SCCPDH: variants seen among roughly 807,000 people sequenced by gnomAD.
The protein encoded by SCCPDH is saccharopine dehydrogenase (putative).
In SCCPDH, 34 loss-of-function variants were observed where a neutral mutation model predicts 51.5. That is an observed-to-expected ratio of 0.66 (90% confidence interval 0.50 to 0.88). SCCPDH has a LOEUF of 0.88. Ranked by LOEUF, SCCPDH falls within the 40% of genes least tolerant of loss-of-function variation. SCCPDH has a pLI of 0.00. For missense variants in SCCPDH, 464 were observed against 527.1 expected (o/e 0.88, Z 1.17); for synonymous variants, 187 against 191.3 (o/e 0.98, Z 0.19).
intron 5 of SCCPDH, among the ~76,000 whole-genome samples, chr1:246,746,062 C>T (rs1219587946): frequency 2.1e-5 from 3 of 144,774 alleles, no homozygotes; most frequent in Admixed American, 7.0e-5. Flanking sequence ...GAGCCAAGAT[C>T]GCACCGCTGC....
chr1:246,727,084 A>G, intron 2 of SCCPDH, 80 bp downstream of exon 2: 1 of 1,152,004 alleles, frequency 8.7e-7, no homozygotes, highest in East Asian at 2.5e-5. Flanking sequence ...ACATAAGGAC[A>G]GAGGACAGAA....
intron 2 of SCCPDH, among the ~76,000 whole-genome samples, chr1:246,732,633 C>G (rs1015561752): frequency 6.6e-6 from 1 of 152,186 alleles, no homozygotes; most frequent in African/African-American, 2.4e-5. Flanking sequence ...GGTGATCCAC[C>G]TGCCTCGGCC....
chr1:246,762,047 G>A (rs575705790), intron 9 of SCCPDH, among the ~76,000 whole-genome samples: 4 of 152,228 alleles, frequency 2.6e-5, no homozygotes, highest in Admixed American at 6.5e-5. Flanking sequence ...CTTCCAAACC[G>A]ACATCTGTTA....
At chr1:246,760,337 A>T (rs1429967092) in intron 9 of SCCPDH, 110 bp downstream of exon 9, 18 of 885,128 alleles carry the variant, frequency 2.0e-5, no homozygotes, top group Non-Finnish European at 3.1e-5. Context: ...TAAGTTCTTT[A>T]TGTAAATTAG....
In SCCPDH at chr1:246,724,565, C is replaced by G; in HGVS notation, c.143C>G (p.Ser48Cys). ...SRLPWAVAGR[S>C]REKLQRVLEK... The stretch of plus-strand genomic sequence containing the variant: ...CTGCCCTGGGCCGTGGCGGGCCGCT[C>G]CCGGGAGAAGCTGCAGCGGGTGCTG... Residue 48 changes from serine to cysteine, a missense_variant, in exon 1 of 12, where the codon TCC becomes TGC. Physicochemically the swap from Ser to Cys is moderately radical, Grantham distance 112. Coordinates refer to ENST00000366510, the MANE Select transcript of SCCPDH (RefSeq NM_016002.3). 2.6e-6 allele frequency: 4 copies of G among 1,535,790 alleles called. No individual in the cohort carries two copies. Among genetic ancestry groups the G allele is most frequent in the Non-Finnish European group, 2.6e-6 (3 of 1,143,860 alleles).
At chr1:246,735,953 T>C (rs1668582734) in intron 2 of SCCPDH, 22 bp from the exon 3 acceptor site, 1 of 1,513,006 alleles carries the variant, frequency 6.6e-7, no homozygotes, top group Non-Finnish European at 9.1e-7. Flanking sequence ...GAATAACCTC[T>C]TTGTTCTTTT....
At position 246,759,975 on chromosome 1, in the gene SCCPDH, G is replaced by A. The variant is rs1443687566; in HGVS notation, c.832G>A (p.Val278Ile). The A allele has an allele frequency of 6.2e-7, 1 of 1,613,182 alleles. No homozygotes were observed. The highest frequency in any genetic ancestry group is 8.5e-7 in the Non-Finnish European group (1 of 1,179,718). ...EESPVQYAAY[V>I]TVGGITSVIK... Reference sequence around the variant, plus strand: ...CATCTAGGTTCAGTATGCTGCGTATGTAACTGTGGGAGGCATCACCTCTGT... The same window carrying A: ...CATCTAGGTTCAGTATGCTGCGTATATAACTGTGGGAGGCATCACCTCTGT... Residue 278 changes from valine to isoleucine, a missense_variant, in exon 8 of 12, where the codon GTA (valine) becomes ATA (isoleucine). Transcript: ENST00000366510.
intron 2 of SCCPDH, among the ~76,000 whole-genome samples, chr1:246,734,136 A>G (rs767972703): frequency 6.6e-6 from 1 of 152,200 alleles, no homozygotes; most frequent in South Asian, 2.1e-4. Context: ...AGTGACCAGC[A>G]TGCAACCCAG....
chr1:246,758,167 G>C (rs1193064921), intron 5 of SCCPDH, 59 bp from the exon 6 acceptor site: 2 of 1,246,378 alleles, frequency 1.6e-6, no homozygotes, highest in African/African-American at 3.1e-5. Context: ...AAGTTACTTG[G>C]CTTTACATTT....
chr1:246,751,049 A>G (rs1306079244), intron 5 of SCCPDH, among the ~76,000 whole-genome samples: 7 of 152,362 alleles, frequency 4.6e-5, no homozygotes, highest in South Asian at 2.1e-4. Flanking sequence ...GGGTTTGGAT[A>G]ACATTTCTCT....
chr1:246,759,479 C>G, intron 7 of SCCPDH, among the ~76,000 whole-genome samples: 1 of 152,158 alleles, frequency 6.6e-6, no homozygotes, highest in Non-Finnish European at 1.5e-5. Flanking sequence ...ATGTCTGGAA[C>G]CCTTTCTGTC....
At chr1:246,755,729 T>G (rs1053931670) in intron 5 of SCCPDH, 1 of 152,684 alleles carries the variant, frequency 6.5e-6, no homozygotes, top group Non-Finnish European at 1.5e-5. Flanking sequence ...TCATTTTATG[T>G]CAGCCATAAA....
intron 10 of SCCPDH, among the ~76,000 whole-genome samples, chr1:246,764,960 C>T (rs1669067808): frequency 6.6e-6 from 1 of 150,698 alleles, no homozygotes; most frequent in South Asian, 2.1e-4. Flanking sequence ...CAGACAGGTC[C>T]ACTTGTGAAC....
chr1:246,740,680 G>C (rs545242610), intron 4 of SCCPDH, among the ~76,000 whole-genome samples: 1 of 152,186 alleles, frequency 6.6e-6, no homozygotes. Flanking sequence ...AAGCTAGAAA[G>C]TATTGAACAC....
chr1:246,763,017 G>T (rs1669042461), intron 9 of SCCPDH, among the ~76,000 whole-genome samples: 1 of 152,106 alleles, frequency 6.6e-6, no homozygotes, highest in Admixed American at 6.5e-5. Context: ...CTCTGGTTCG[G>T]TTGGTCTGGA....
intron 1 of SCCPDH, among the ~76,000 whole-genome samples, chr1:246,725,914 C>T (rs1051679063): frequency 4.6e-5 from 7 of 152,092 alleles, no homozygotes; most frequent in Non-Finnish European, 7.4e-5. Context: ...GTTTATATAG[C>T]GTGTGCTTTT....
At chr1:246,753,329 C>T (rs1668882659) in intron 5 of SCCPDH, among the ~76,000 whole-genome samples, 1 of 152,102 alleles carries the variant, frequency 6.6e-6, no homozygotes, top group Non-Finnish European at 1.5e-5. Flanking sequence ...ATAGGTTTAT[C>T]TTTCCAGTTC....
chr1:246,764,245 G>T lies in SCCPDH; in HGVS notation c.991-1G>T, dbSNP rs758355659. ...TGCGCCCTTTGCCTTCTCCTTCACA[G>T]ATTGATGCTGCCTCATTCACGCTGA... On this transcript the variant is annotated splice_acceptor_variant, in intron 9 of 11. Coordinates refer to ENST00000366510, the MANE Select transcript of SCCPDH (RefSeq NM_016002.3). LOFTEE classifies it high-confidence loss of function. The T allele has an allele frequency of 7.5e-6, 12 of 1,606,984 alleles. No individual in the cohort carries two copies. The highest frequency in any genetic ancestry group is 8.5e-6 in the Non-Finnish European group (10 of 1,174,212).
chr1:246,743,591 AAAG>A (rs1031007284), intron 4 of SCCPDH, among the ~76,000 whole-genome samples: 1 of 151,846 alleles, frequency 6.6e-6, no homozygotes, highest in African/African-American at 2.4e-5. Context: ...CAAAAAAAAA[AAAG>A]AAAGTGACCC....
Sources: allele counts gnomAD v4.1 joint callset (sites outside exome capture counted in the v4.1 genomes callset), GRCh38; gene constraint gnomAD v4.1.1; transcripts MANE v1.5; gene names NCBI Gene and HGNC (gene_info 2026-07-23, HGNC 2026-07-21).